Variants in BRCA1 observed in about 807,000 individuals in gnomAD.
BRCA1 encodes BRCA1 DNA repair associated.
In BRCA1, 140 loss-of-function variants were observed where a neutral mutation model predicts 173.7. The observed-to-expected ratio is 0.81, with a 90% CI of 0.70 to 0.93. BRCA1 has a LOEUF of 0.93. Among genes scored for constraint, BRCA1 ranks in the 40% least tolerant of loss-of-function variants. The pLI is 0.00. For synonymous variants in BRCA1, 662 were observed against 756.0 expected (o/e 0.88, Z 2.04); for missense variants, 1,983 against 2,172.5 (o/e 0.91, Z 1.73).
In BRCA1 at chr17:43,071,174, A is replaced by G. The variant is rs777297026; in HGVS notation, c.4740T>C (p.Ser1580=). The change falls in exon 15 of 23, where the codon TCT becomes TCC. Residue 1580 remains serine, a synonymous_variant. Transcript: ENST00000357654. ...LFSDDPESDP[S]EDRAPESARV... is the part of the protein sequence containing the mutation. The stretch of plus-strand genomic sequence containing the variant: ...GAGCTGACTCTGGGGCTCTGTCTTC[A>G]GAAGGATCAGATTCAGGGTCATCAG... 6.2e-7 allele frequency: 1 copy of G among 1,614,234 alleles called. No individual in the cohort carries two copies. Among genetic ancestry groups the G allele is most frequent in the South Asian group, 1.1e-5 (1 of 91,086 alleles).
At position 43,093,957 on chromosome 17, in the gene BRCA1, A is replaced by G. The variant is rs879253902; in HGVS notation, c.1574T>C (p.Val525Ala). ...ATTTATCATTTCAGGAGTCTTTTGA[A>G]CTGCCAAATCTGCTTTCTTGATAAA... ...EDFIKKADLA[V>A]QKTPEMINQG... The change falls in exon 10 of 23, where the codon GTT (valine) becomes GCT (alanine). Residue 525 changes from valine to alanine, a missense_variant. By Grantham distance (64) the Val-to-Ala change is moderately conservative. Transcript: ENST00000357654. The G allele has an allele frequency of 1.2e-6, 2 of 1,613,806 alleles. No individual in the cohort carries two copies. The highest frequency in any genetic ancestry group is 2.2e-5 in the South Asian group (2 of 90,976).
chr17:43,075,089 GAAGA>G (rs2052652579), intron 13 of BRCA1, among the ~76,000 whole-genome samples: 1 of 142,304 alleles, frequency 7.0e-6, no homozygotes, highest in African/African-American at 2.5e-5. Flanking sequence ...GGAAGGAAAG[GAAGA>G]AAGAAAGGAG....
intron 8 of BRCA1, 112 bp downstream of exon 8, chr17:43,097,132 C>T (rs1005300662): frequency 1.1e-5 from 12 of 1,137,468 alleles, no homozygotes; most frequent in Non-Finnish European, 1.4e-5. Flanking sequence ...ACATACATCC[C>T]TGAACCTAAA....
chr17:43,072,355 C>G (rs2052488788), intron 14 of BRCA1, among the ~76,000 whole-genome samples: 1 of 150,924 alleles, frequency 6.6e-6, no homozygotes, highest in South Asian at 2.1e-4. Context: ...CGCCATTGCA[C>G]TCCAGCCTGG....
chr17:43,091,143 A>C, intron 10 of BRCA1, 111 bp from the exon 11 acceptor site: 1 of 1,094,190 alleles, frequency 9.1e-7, no homozygotes, highest in Non-Finnish European at 1.4e-6. Flanking sequence ...ATGTCACACA[A>C]AATGATTAAA....
At chr17:43,059,103 A>G (rs1229764282) in intron 18 of BRCA1, among the ~76,000 whole-genome samples, 2 of 152,166 alleles carry the variant, frequency 1.3e-5, no homozygotes, top group Non-Finnish European at 2.9e-5. Flanking sequence ...TGTACCCCTG[A>G]GCTTCATACA....
chr17:43,115,909 G>A (rs2055275360), intron 2 of BRCA1, 130 bp from the exon 3 acceptor site: 1 of 865,074 alleles, frequency 1.2e-6, no homozygotes, highest in Non-Finnish European at 1.8e-6. Context: ...CCTCAAGTTC[G>A]TTCAATATTT....
intron 14 of BRCA1, among the ~76,000 whole-genome samples, chr17:43,072,943 T>G (rs923070398): frequency 1.3e-5 from 2 of 151,668 alleles, no homozygotes; most frequent in Non-Finnish European, 2.9e-5. Flanking sequence ...TCTTGAACTC[T>G]TGGCCTCGAG....
At chr17:43,165,611 C>G (rs1205034880) in intron 1 of BRCA1, 1 of 151,744 alleles carries the variant, frequency 6.6e-6, no homozygotes, top group Non-Finnish European at 1.5e-5. Flanking sequence ...CTTCGATATG[C>G]CTCAACTTTC....
intron 1 of BRCA1, among the ~76,000 whole-genome samples, chr17:43,153,117 G>T (rs962894652): frequency 1.3e-5 from 2 of 152,170 alleles, no homozygotes; most frequent in East Asian, 3.8e-4. Flanking sequence ...TCTGGATTTA[G>T]GAGACGAACT....
At chr17:43,115,228 G>A (rs2055207332) in intron 3 of BRCA1, among the ~76,000 whole-genome samples, 1 of 152,202 alleles carries the variant, frequency 6.6e-6, no homozygotes, top group African/African-American at 2.4e-5. Flanking sequence ...TGTCAGTCGG[G>A]TGTGGTGGCT....
At chr17:43,113,221 T>G (rs2154562888) in intron 3 of BRCA1, among the ~76,000 whole-genome samples, 1 of 152,316 alleles carries the variant, frequency 6.6e-6, no homozygotes, top group South Asian at 2.1e-4. Flanking sequence ...CTTTCTTACA[T>G]CCTTTTTCTA....
rs80357250 is a variant in BRCA1, at chr17:43,093,529, G to A, written c.2002C>T (p.Leu668Phe). The part of the protein sequence containing the change: ...MPVRHSRNLQ[L>F]MEGKEPATGA... ...GTTGCAGGTTCTTTACCTTCCATGA[G>A]TTGTAGGTTTCTGCTGTGCCTGACT... Residue 668 changes from leucine to phenylalanine, a missense_variant, in exon 10 of 23, where the codon CTC (leucine) becomes TTC (phenylalanine). By Grantham distance (22) the Leu-to-Phe change is conservative. Transcript: ENST00000357654. The A allele has an allele frequency of 5.3e-5, 86 of 1,614,010 alleles. No individual in the cohort carries two copies. Among genetic ancestry groups the A allele is most frequent in the Admixed American group, 1.5e-4 (9 of 60,004 alleles).
intron 15 of BRCA1, 123 bp downstream of exon 15, chr17:43,070,805 C>T: frequency 8.6e-7 from 1 of 1,162,642 alleles, no homozygotes. Flanking sequence ...TTAAATTACA[C>T]AGAACTGTGA....
chr17:43,092,897 T>G lies in BRCA1; in HGVS notation c.2634A>C (p.Ala878=). 2 of 1,613,930 alleles carry G rather than the reference T, an allele frequency of 1.2e-6. No homozygotes were observed. The highest frequency in any genetic ancestry group is 1.7e-6 in the Non-Finnish European group (2 of 1,179,998). Residue 878 remains alanine (A), a synonymous_variant, in exon 10 of 23, where the codon GCA becomes GCC. Transcript: ENST00000357654. The part of the protein sequence containing the change: ...SFAPFSNPGN[A]EEECATFSAH... Reference sequence around the variant, plus strand: ...CAGAGAATGTTGCACATTCCTCTTCTGCATTTCCTGGATTTGAAAACGGAG... The same window carrying G: ...CAGAGAATGTTGCACATTCCTCTTCGGCATTTCCTGGATTTGAAAACGGAG...
intron 3 of BRCA1, among the ~76,000 whole-genome samples, chr17:43,113,732 T>A (rs531692713): frequency 6.6e-6 from 1 of 152,310 alleles, no homozygotes; most frequent in South Asian, 2.1e-4. Flanking sequence ...ATAATTTCCT[T>A]CTTCCACAAG....
At chr17:43,122,862 C>G (rs1017438045) in intron 2 of BRCA1, among the ~76,000 whole-genome samples, 24 of 150,278 alleles carry the variant, frequency 1.6e-4, no homozygotes, top group African/African-American at 5.7e-4. Context: ...CTGGCTAACA[C>G]GGTGAAATCC....
intron 7 of BRCA1, 112 bp downstream of exon 7, chr17:43,099,663 T>C: frequency 1.2e-6 from 1 of 868,450 alleles, no homozygotes; most frequent in East Asian, 2.5e-5. Context: ...TAAAATTCAC[T>C]TCCCAAAGCT....
intron 2 of BRCA1, among the ~76,000 whole-genome samples, chr17:43,123,570 G>A (rs2055689665): frequency 6.6e-6 from 1 of 151,986 alleles, no homozygotes; most frequent in Non-Finnish European, 1.5e-5. Context: ...GGATGGTCTC[G>A]ATCTCCTGAC....
Sources: gnomAD v4.1 joint callset for allele counts (sites outside exome capture counted in the v4.1 genomes callset) on GRCh38, gnomAD v4.1.1 for gene constraint, MANE v1.5 for transcripts, NCBI Gene and HGNC (gene_info 2026-07-23, HGNC 2026-07-21) for gene names.